CDKAL1: variants seen among roughly 807,000 people sequenced by gnomAD.
CDKAL1 encodes the protein threonylcarbamoyladenosine tRNA methylthiotransferase.
A neutral mutation model predicts 68.2 loss-of-function variants in CDKAL1; 32 were observed. That is an observed-to-expected ratio of 0.47 (90% CI 0.35 to 0.63). The LOEUF (loss-of-function observed/expected upper bound fraction) is 0.63. CDKAL1 is among the 30% of genes least tolerant of loss of function. The probability of loss-of-function intolerance (pLI) is 0.00; values close to 1 mark genes in which losing one functional copy is unlikely to be tolerated. For synonymous variants in CDKAL1, 234 were observed against 244.3 expected (o/e 0.96, Z 0.39); for missense variants, 606 against 696.7 (o/e 0.87, Z 1.47).
At chr6:20,726,233 T>G (rs1772649417) in intron 5 of CDKAL1, among the ~76,000 whole-genome samples, 2 of 152,144 alleles carry the variant, frequency 1.3e-5, no homozygotes, top group Non-Finnish European at 2.9e-5. Context: ...AGGTCTTAGA[T>G]AATAACTCTT....
chr6:20,788,318 T>C (rs1317708091), intron 8 of CDKAL1, among the ~76,000 whole-genome samples: 1 of 152,236 alleles, frequency 6.6e-6, no homozygotes, highest in African/African-American at 2.4e-5. Context: ...ATGTATAGTT[T>C]TCCTAACATG....
intron 9 of CDKAL1, among the ~76,000 whole-genome samples, chr6:20,911,170 C>T (rs7763674): frequency 0.023 from 3,435 of 152,236 alleles, 128 homozygotes; most frequent in African/African-American, 0.075. Context: ...TTTATGATAA[C>T]GAGTAAGTTA....
At chr6:20,680,421 T>C (rs1770323269) in intron 5 of CDKAL1, among the ~76,000 whole-genome samples, 1 of 152,226 alleles carries the variant, frequency 6.6e-6, no homozygotes, top group Non-Finnish European at 1.5e-5. Flanking sequence ...TAGGTGTTTT[T>C]AAACATATGA....
At chr6:20,902,358 C>CAAAA in intron 9 of CDKAL1, among the ~76,000 whole-genome samples, 1 of 25,540 alleles carries the variant, frequency 3.9e-5, no homozygotes, top group African/African-American at 8.7e-5. Context: ...CACACACACA[C>CAAAA]AATGTGTTTA....
chr6:20,729,566 A>C (rs1346136224), intron 5 of CDKAL1, among the ~76,000 whole-genome samples: 1 of 151,524 alleles, frequency 6.6e-6, no homozygotes, highest in East Asian at 1.9e-4. Flanking sequence ...CTCAGTTTAT[A>C]AAGTACTTAC....
chr6:21,134,624 C>T (rs1262004104), intron 13 of CDKAL1, among the ~76,000 whole-genome samples: 2 of 152,084 alleles, frequency 1.3e-5, no homozygotes, highest in African/African-American at 4.8e-5. Context: ...TCGAATAATG[C>T]ATGGGAAACA....
rs776556861 is a variant in CDKAL1, at chr6:20,539,405, T to TA, written c.-6+4017dup. On this transcript the variant is annotated intron_variant, in intron 2 of 15. Transcript: ENST00000274695. This position sits in a 1 kb window ranked among gnomAD's most constrained non-coding sequence, Gnocchi z 4.3. ...TATGTATTCTAGTAAGATAAACAGT[T>TA]AAAAAATTATTAAAACATTTTAAGC... Among the ~76,000 whole-genome samples the TA allele has an allele frequency of 1.3e-5, 2 of 152,132 alleles. No homozygotes were observed. Among genetic ancestry groups the TA allele is most frequent in the Admixed American group, 6.5e-5 (1 of 15,268 alleles).
chr6:20,769,600 C>T (rs1311261525), intron 7 of CDKAL1, among the ~76,000 whole-genome samples: 3 of 152,144 alleles, frequency 2.0e-5, no homozygotes, highest in African/African-American at 7.2e-5. Context: ...TACTTCCTAG[C>T]CCTCCAGAGC....
chr6:20,600,771 C>CATATATATATAT lies in CDKAL1; in HGVS notation c.287-48516_287-48505dup, dbSNP rs10522824. On this transcript the variant is annotated intron_variant, in intron 4 of 15. Transcript: ENST00000274695. ...ATGGAGAGAGAGATATATATGTATA[C>CATATATATATAT]ATATATATATATATATACACACACA... Among the ~76,000 whole-genome samples the CATATATATATAT allele has an allele frequency of 8.3e-4, 103 of 124,050 alleles. 3 individuals are homozygous for CATATATATATAT. Among genetic ancestry groups the CATATATATATAT allele is most frequent in the African/African-American group, 2.3e-3 (79 of 34,338 alleles). The allele number at this position is 124,050 out of a possible 152,430, so 81.4% of individuals were successfully genotyped here. A position where few individuals can be genotyped will look rare whatever the true frequency, so the allele number is the denominator to read the frequency against.
chr6:21,169,346 A>T (rs1328471675), intron 13 of CDKAL1, among the ~76,000 whole-genome samples: 1 of 152,242 alleles, frequency 6.6e-6, no homozygotes, highest in Non-Finnish European at 1.5e-5. Context: ...AAAAGTCATC[A>T]GATCTCTGGC....
chr6:21,208,555 C>A (rs1019267866), intron 15 of CDKAL1, among the ~76,000 whole-genome samples: 9 of 152,080 alleles, frequency 5.9e-5, no homozygotes, highest in African/African-American at 2.2e-4. Flanking sequence ...CGTGTTTCTT[C>A]CTATTTTTCC....
At chr6:20,553,562 C>A (rs936095056) in intron 4 of CDKAL1, among the ~76,000 whole-genome samples, 6 of 152,198 alleles carry the variant, frequency 3.9e-5, no homozygotes, top group African/African-American at 1.4e-4. Context: ...GAGCAGTTTG[C>A]TGTTGTTCAT....
At chr6:21,100,679 T>A (rs1000885888) in intron 12 of CDKAL1, among the ~76,000 whole-genome samples, 1 of 125,002 alleles carries the variant, frequency 8.0e-6, no homozygotes, top group African/African-American at 3.2e-5. Context: ...GTTTGCCTGT[T>A]TCCCTGTATA....
chr6:21,108,377 T>C, intron 12 of CDKAL1, 24 bp from the exon 13 acceptor site: 1 of 1,568,056 alleles, frequency 6.4e-7, no homozygotes, highest in Non-Finnish European at 8.7e-7. Context: ...GTTGGTTTTT[T>C]GTTTTTTTTG....
chr6:20,992,115 A>G (rs961529122), intron 10 of CDKAL1, among the ~76,000 whole-genome samples: 2 of 143,538 alleles, frequency 1.4e-5, no homozygotes, highest in Non-Finnish European at 1.5e-5. Flanking sequence ...GCAACCTCCA[A>G]CTCTTGGACT....
intron 8 of CDKAL1, among the ~76,000 whole-genome samples, chr6:20,814,467 A>G (rs749610900): frequency 6.6e-6 from 1 of 152,172 alleles, no homozygotes; most frequent in Non-Finnish European, 1.5e-5. Flanking sequence ...TTTAGTAGAG[A>G]TGGAGTTTCA....
At chr6:20,879,909 A>C (rs1013951266) in intron 9 of CDKAL1, among the ~76,000 whole-genome samples, 5 of 152,186 alleles carry the variant, frequency 3.3e-5, no homozygotes, top group Non-Finnish European at 7.3e-5. Context: ...GTCCATTTTT[A>C]AACTATGGTA....
intron 9 of CDKAL1, among the ~76,000 whole-genome samples, chr6:20,872,307 T>C (rs1182672104): frequency 6.6e-6 from 1 of 152,232 alleles, no homozygotes; most frequent in Non-Finnish European, 1.5e-5. Flanking sequence ...ATTATCTCTT[T>C]TAAAGGTTAA....
intron 4 of CDKAL1, among the ~76,000 whole-genome samples, chr6:20,585,244 G>A (rs866764025): frequency 6.6e-6 from 1 of 151,702 alleles, no homozygotes; most frequent in Non-Finnish European, 1.5e-5. Flanking sequence ...AGTAGAGATG[G>A]GGTTTCACCG....
Sources: allele counts gnomAD v4.1 joint callset (sites outside exome capture counted in the v4.1 genomes callset), GRCh38; gene constraint gnomAD v4.1.1; non-coding constraint Gnocchi (gnomAD v3.1); transcripts MANE v1.5; gene names NCBI Gene and HGNC (gene_info 2026-07-23, HGNC 2026-07-21).